The following SLC9C1 variants were observed in gnomAD, a reference collection of about 807,000 sequenced individuals.
The protein encoded by SLC9C1 is sodium/hydrogen exchanger 10.
A neutral mutation model predicts 140.9 loss-of-function variants in SLC9C1; 97 were observed. The observed-to-expected ratio is 0.69, with a 90% CI of 0.58 to 0.82. The LOEUF is 0.82. Ranked by LOEUF, SLC9C1 falls within the 40% of genes least tolerant of loss-of-function variation. The probability of loss-of-function intolerance (pLI) is 0.00; values close to 1 mark genes in which losing one functional copy is unlikely to be tolerated. For missense variants in SLC9C1, 1,340 were observed against 1,389.3 expected, an observed-to-expected ratio of 0.96 and a Z score of 0.56; for synonymous variants, 440 against 442.6, an observed-to-expected ratio of 0.99 and a Z score of 0.07.
In SLC9C1 at chr3:112,231,435, T is replaced by C. The variant is rs779563113; in HGVS notation, c.1498A>G (p.Asn500Asp). The C allele has an allele frequency of 5.0e-6, 8 of 1,613,112 alleles. No individual in the cohort carries two copies. In the South Asian group the frequency reaches 6.6e-5, roughly 13 times the overall value. Residue 500 changes from asparagine (N) to aspartate (D), a missense_variant, in exon 13 of 29, where the codon AAC becomes GAC. Coordinates refer to ENST00000305815, the MANE Select transcript of SLC9C1 (RefSeq NM_183061.3). ...TTAAAGATCTCATCTATTTCCTTGTTACAGTGTGGACATTTCACCTTCTGA... is the reference window on the plus strand; with the variant it reads ...TTAAAGATCTCATCTATTTCCTTGTCACAGTGTGGACATTTCACCTTCTGA... Reference protein sequence around the residue: ...EHQKVKCPHCNKEIDEIFNTE... With the variant: ...EHQKVKCPHCDKEIDEIFNTE...
intron 26 of SLC9C1, among the ~76,000 whole-genome samples, chr3:112,164,732 A>G (rs1306359660): frequency 1.3e-5 from 2 of 151,650 alleles, no homozygotes; most frequent in Non-Finnish European, 2.9e-5. Context: ...AACTTTGGTG[A>G]ATCTGACAAT....
chr3:112,234,094 C>T (rs1413687100), intron 12 of SLC9C1, among the ~76,000 whole-genome samples: 1 of 152,194 alleles, frequency 6.6e-6, no homozygotes, highest in African/African-American at 2.4e-5. Context: ...TAGAGTCCCA[C>T]CAACAGTGTA....
At chr3:112,216,485 A>G (rs551137692) in intron 15 of SLC9C1, among the ~76,000 whole-genome samples, 14 of 151,814 alleles carry the variant, frequency 9.2e-5, no homozygotes, top group African/African-American at 3.4e-4. Context: ...TCCAGAATCT[A>G]TAAAGAACTC....
chr3:112,261,881 C>T (rs112629296), intron 10 of SLC9C1, among the ~76,000 whole-genome samples: 1 of 152,136 alleles, frequency 6.6e-6, no homozygotes, highest in African/African-American at 2.4e-5. Flanking sequence ...GAGAGCTAAT[C>T]GTTCAATTTC....
chr3:112,243,373 T>C (rs997943489), intron 11 of SLC9C1, among the ~76,000 whole-genome samples: 2 of 152,144 alleles, frequency 1.3e-5, no homozygotes, highest in Non-Finnish European at 2.9e-5. Context: ...GCAACATGGA[T>C]AAAGCCAGAG....
chr3:112,231,978 A>T (rs2078842544), intron 12 of SLC9C1, among the ~76,000 whole-genome samples: 1 of 152,154 alleles, frequency 6.6e-6, no homozygotes, highest in Non-Finnish European at 1.5e-5. Flanking sequence ...ACTTAATGTA[A>T]AATAGAAAGT....
chr3:112,193,420 G>C (rs1003856884), intron 20 of SLC9C1, among the ~76,000 whole-genome samples: 2 of 152,224 alleles, frequency 1.3e-5, no homozygotes, highest in Non-Finnish European at 2.9e-5. Context: ...TTTCAGCAGA[G>C]GCTTGTGGGG....
chr3:112,237,791 C>A lies in SLC9C1; in HGVS notation c.1446+2049G>T, dbSNP rs140590376. 2.5e-4 allele frequency among the ~76,000 whole-genome samples: 38 copies of A among 152,352 alleles called. No homozygotes were observed. The East Asian group carries it at 4.6e-3, about 19-fold the overall frequency. On this transcript the variant is annotated intron_variant, in intron 12 of 28. Transcript: ENST00000305815. ...AGAATGTTGAATATTGGCCCCCACTCTGTTCTGGCTTGTAGAATTTCTGCC... is the reference window on the plus strand; with the variant it reads ...AGAATGTTGAATATTGGCCCCCACTATGTTCTGGCTTGTAGAATTTCTGCC...
At chr3:112,242,637 C>A (rs1451392696) in intron 11 of SLC9C1, among the ~76,000 whole-genome samples, 1 of 151,926 alleles carries the variant, frequency 6.6e-6, no homozygotes. Context: ...TGACTATAGT[C>A]AAGAATAATT....
chr3:112,249,377 T>A (rs1445516469), intron 10 of SLC9C1, among the ~76,000 whole-genome samples: 4 of 151,714 alleles, frequency 2.6e-5, no homozygotes, highest in African/African-American at 9.7e-5. Flanking sequence ...GATTTTTGCA[T>A]CTATATTCTT....
chr3:112,157,579 C>T (rs117210803), intron 26 of SLC9C1, among the ~76,000 whole-genome samples: 2,564 of 151,676 alleles, frequency 0.017, 94 homozygotes, highest in South Asian at 0.11. Flanking sequence ...TTTTGATAGG[C>T]CTTGCATTGG....
chr3:112,239,965 A>C lies in SLC9C1; in HGVS notation c.1321T>G (p.Cys441Gly), dbSNP rs745785946. ...ATSTKYKSVC[C>G]TFQHFQELTK... ...AGCTCTTGAAAGTGTTGAAATGTGC[A>C]ACAAACCGATTTATATTTTGTTGAT... Residue 441 changes from cysteine (C) to glycine (G), a missense_variant, in exon 12 of 29, where the codon TGC becomes GGC. Coordinates refer to ENST00000305815, the MANE Select transcript of SLC9C1 (RefSeq NM_183061.3). The C allele has an allele frequency of 6.2e-6, 10 of 1,612,794 alleles. No individual in the cohort carries two copies. The highest frequency in any genetic ancestry group is 4.2e-6 in the Non-Finnish European group (5 of 1,179,696).
At chr3:112,227,080 G>A (rs574777062) in intron 13 of SLC9C1, among the ~76,000 whole-genome samples, 2 of 152,102 alleles carry the variant, frequency 1.3e-5, no homozygotes, top group Admixed American at 1.3e-4. Flanking sequence ...AACCTGGGGG[G>A]AATGGATAAA....
chr3:112,257,142 A>G (rs2079630143), intron 10 of SLC9C1, among the ~76,000 whole-genome samples: 1 of 152,178 alleles, frequency 6.6e-6, no homozygotes, highest in Non-Finnish European at 1.5e-5. Context: ...AGAATTTACA[A>G]ATTGAATGCT....
chr3:112,147,997 G>C (rs1378620622), intron 28 of SLC9C1, among the ~76,000 whole-genome samples: 1 of 152,078 alleles, frequency 6.6e-6, no homozygotes, highest in Non-Finnish European at 1.5e-5. Flanking sequence ...GGCAGACAGG[G>C]TTAGTTCAAA....
intron 13 of SLC9C1, among the ~76,000 whole-genome samples, chr3:112,227,164 C>G (rs1355122592): frequency 6.6e-6 from 1 of 151,932 alleles, no homozygotes; most frequent in African/African-American, 2.4e-5. Context: ...TGAAGACTTA[C>G]AAGATTGCAG....
At chr3:112,278,704 G>T (rs1312513543) in intron 4 of SLC9C1, 25 bp downstream of exon 4, 2 of 1,576,956 alleles carry the variant, frequency 1.3e-6, no homozygotes, top group Admixed American at 2.0e-5. Flanking sequence ...ATGAATGAAT[G>T]ATATTACCAA....
At chr3:112,178,189 A>G (rs1490567622) in intron 23 of SLC9C1, among the ~76,000 whole-genome samples, 1 of 150,894 alleles carries the variant, frequency 6.6e-6, no homozygotes, top group Non-Finnish European at 1.5e-5. Flanking sequence ...ACCAGTCTGG[A>G]GTGCAGTGGT....
chr3:112,231,256 G>T, intron 13 of SLC9C1, 105 bp downstream of exon 13: 1 of 1,371,660 alleles, frequency 7.3e-7, no homozygotes, highest in Non-Finnish European at 9.9e-7. Flanking sequence ...CTTTGCCTTT[G>T]TAAACAATCT....
Sources: gnomAD v4.1 joint callset for allele counts (sites outside exome capture counted in the v4.1 genomes callset) on GRCh38, gnomAD v4.1.1 for gene constraint, MANE v1.5 for transcripts, NCBI Gene and HGNC (gene_info 2026-07-23, HGNC 2026-07-21) for gene names.